ACSS2: variants seen among roughly 807,000 people sequenced by gnomAD.
The protein encoded by ACSS2 is acyl-CoA synthetase short chain family member 2.
In ACSS2, 58 loss-of-function variants were observed where a neutral mutation model predicts 90.6. The ratio of observed to expected loss-of-function variants is 0.64; its 90% CI spans 0.52 to 0.80. The LOEUF (loss-of-function observed/expected upper bound fraction) is 0.80. Among genes scored for constraint, ACSS2 ranks in the 30% least tolerant of loss-of-function variants. ACSS2 has a pLI of 0.00. For synonymous variants in ACSS2, 300 were observed against 330.9 expected (o/e 0.91, Z 1.01); for missense variants, 759 against 912.0 (o/e 0.83, Z 2.16).
At chr20:34,899,288 G>A (rs935242963) in intron 2 of ACSS2, among the ~76,000 whole-genome samples, 1 of 152,232 alleles carries the variant, frequency 6.6e-6, no homozygotes, top group Non-Finnish European at 1.5e-5. Flanking sequence ...CTCAAGTGCC[G>A]CCAAAGTGGG....
intron 8 of ACSS2, 53 bp downstream of exon 8, chr20:34,919,625 T>G (rs1007366732): frequency 1.4e-4 from 207 of 1,516,158 alleles, no homozygotes; most frequent in Non-Finnish European, 1.8e-4. Context: ...GTGTGTATTA[T>G]GTAGGGGTAA....
intron 7 of ACSS2, among the ~76,000 whole-genome samples, chr20:34,915,776 T>C (rs1490599018): frequency 1.3e-5 from 2 of 152,174 alleles, no homozygotes; most frequent in Non-Finnish European, 2.9e-5. Context: ...TATGATTAAG[T>C]GCTAAACTGA....
Position 34,913,460 on chromosome 20 carries a change from G to C in ACSS2, c.534G>C (p.Leu178=), listed in dbSNP as rs2081007998. The C allele has an allele frequency of 6.2e-7, 1 of 1,613,900 alleles. No individual in the cohort carries two copies. The highest frequency in any genetic ancestry group is 1.3e-5 in the African/African-American group (1 of 74,880). The change falls in exon 4 of 18, where the codon CTG becomes CTC. Residue 178 remains leucine (L), a synonymous_variant. Coordinates refer to ENST00000360596, the MANE Select transcript of ACSS2 (RefSeq NM_018677.4). The stretch of plus-strand genomic sequence containing the variant: ...TCCCAGAGCTTGTGGTGGCCATGCT[G>C]GCATGTGCCCGCATTGGGGCTTTGC... The part of the protein sequence containing the change: ...PMIPELVVAM[L]ACARIGALHS...
Position 34,927,332 on chromosome 20 carries a change from T to G in ACSS2, c.*118T>G. The G allele has an allele frequency of 5.1e-5, 69 of 1,347,180 alleles. No homozygotes were observed. The highest frequency in any genetic ancestry group is 2.7e-4 in the Middle Eastern group (1 of 3,736). 83.5% of individuals were successfully genotyped at this position (1,347,180 alleles called of 1,614,324 possible). A position where few individuals can be genotyped will look rare whatever the true frequency, so the allele number is the denominator to read the frequency against. On this transcript the variant is annotated 3_prime_UTR_variant, in exon 18 of 18. Transcript: ENST00000360596. The surrounding 1 kb of genome is among the most constrained non-coding windows in gnomAD (Gnocchi z 4.2). ...CACACTACCCTCCCTTGACCAGCTG[T>G]CTGGGACCGGAAACCAGCTTTGTCT...
chr20:34,916,052 G>A (rs569119767), intron 7 of ACSS2, among the ~76,000 whole-genome samples: 13 of 152,040 alleles, frequency 8.6e-5, no homozygotes, highest in Non-Finnish European at 1.5e-4. Flanking sequence ...ATCTTCACAG[G>A]GTGTCTTACT....
intron 2 of ACSS2, among the ~76,000 whole-genome samples, chr20:34,886,027 T>G (rs981321917): frequency 5.9e-5 from 9 of 151,528 alleles, no homozygotes; most frequent in Admixed American, 3.3e-4. Flanking sequence ...AAATTGCATT[T>G]TATTATAAGA....
At chr20:34,893,991 T>A (rs752344908) in intron 2 of ACSS2, among the ~76,000 whole-genome samples, 2 of 152,176 alleles carry the variant, frequency 1.3e-5, no homozygotes, top group Non-Finnish European at 2.9e-5. Flanking sequence ...CTCTAGAGCA[T>A]ATGAACACCT....
intron 1 of ACSS2, 81 bp from the exon 2 acceptor site, chr20:34,882,713 C>A: frequency 7.4e-7 from 1 of 1,360,208 alleles, no homozygotes; most frequent in Non-Finnish European, 1.0e-6. Flanking sequence ...TAATTTGGTC[C>A]TGTGTATAGA....
At chr20:34,876,126 C>T (rs959643838), upstream of ACSS2, among the ~76,000 whole-genome samples, 1 of 152,130 alleles carries the variant, frequency 6.6e-6, no homozygotes, top group Non-Finnish European at 1.5e-5. Context: ...TTACTCAACT[C>T]CTCTCCTTAG....
rs377339984 is a variant in ACSS2 at position 34,892,971 on chromosome 20, G to A, written c.374+9982G>A. Among the ~76,000 whole-genome samples the A allele has an allele frequency of 5.2e-4, 79 of 152,206 alleles. 1 individual carries two copies. The South Asian group carries it at 0.015, about 29-fold the overall frequency. On this transcript the variant is annotated intron_variant, in intron 2 of 17. Transcript: ENST00000360596. ...ATGTGGCTTCCTAAACAACCATGTC[G>A]GTCTCCCCTGGATATACTTTAGTTG...
chr20:34,909,791 G>T (rs577947924), intron 2 of ACSS2, among the ~76,000 whole-genome samples: 3 of 150,264 alleles, frequency 2.0e-5, no homozygotes, highest in African/African-American at 4.9e-5. Context: ...ATCGCCGCTC[G>T]CTGTAGCCTT....
At chr20:34,888,154 A>G (rs1306239324) in intron 2 of ACSS2, among the ~76,000 whole-genome samples, 2 of 152,140 alleles carry the variant, frequency 1.3e-5, no homozygotes, top group Non-Finnish European at 2.9e-5. Context: ...CAGAAAGGAA[A>G]AAGCCTTATA....
rs115383383 is a variant in ACSS2, at chr20:34,906,672, T to G, written c.375-6424T>G. On this transcript the variant is annotated intron_variant, in intron 2 of 17. Coordinates refer to ENST00000360596, the MANE Select transcript of ACSS2 (RefSeq NM_018677.4). ...ACTTGAGGTGCTAGGGATGTAGCAG[T>G]GAAGAAAACAAATAAGATCTCTGCT... Among the ~76,000 whole-genome samples, 1,357 of 152,056 alleles carry G rather than the reference T, an allele frequency of 8.9e-3. 27 individuals carry two copies. Among genetic ancestry groups the G allele is most frequent in the African/African-American group, 0.031 (1,290 of 41,430 alleles).
intron 15 of ACSS2, 103 bp from the exon 16 acceptor site, chr20:34,926,002 T>A: frequency 8.0e-7 from 1 of 1,256,938 alleles, no homozygotes; most frequent in Non-Finnish European, 1.1e-6. Flanking sequence ...ATGAAGGGTC[T>A]TCTCCATTTG....
intron 2 of ACSS2, among the ~76,000 whole-genome samples, chr20:34,901,801 G>A (rs1371450304): frequency 7.2e-5 from 11 of 152,164 alleles, no homozygotes; most frequent in Non-Finnish European, 1.2e-4. Context: ...AGGTGTCAGG[G>A]TTACCCTGGC....
Position 34,920,545 on chromosome 20 carries a change from G to T in ACSS2, c.979G>T (p.Val327Phe). 3.1e-6 allele frequency: 5 copies of T among 1,613,856 alleles called. No homozygotes were observed. The highest frequency in any genetic ancestry group is 3.4e-6 in the Non-Finnish European group (4 of 1,179,956). ...TTCCCCATTCTTCCCACAGGGTGTGGTTCACACAGTTGGGGGCTACATGCT... is the reference window on the plus strand; with the variant it reads ...TTCCCCATTCTTCCCACAGGGTGTGTTTCACACAGTTGGGGGCTACATGCT... ...SGSTGKPKGV[V>F]HTVGGYMLYV... Residue 327 changes from valine to phenylalanine, a missense_variant, in exon 9 of 18, where the codon GTT becomes TTT. Transcript: ENST00000360596.
At chr20:34,898,824 C>T (rs1293327214) in intron 2 of ACSS2, among the ~76,000 whole-genome samples, 2 of 150,586 alleles carry the variant, frequency 1.3e-5, no homozygotes, top group African/African-American at 4.9e-5. Context: ...CTTGGGTGGC[C>T]GATGGGACTG....
rs141522623 is a variant in ACSS2 at position 34,926,930 on chromosome 20, G to T, written c.1957G>T (p.Gly653Cys). 1.9e-6 allele frequency: 3 copies of T among 1,614,186 alleles called. No individual in the cohort carries two copies. The East Asian group carries it at 6.7e-5, about 36-fold the overall frequency. The change falls in exon 17 of 18, where the codon GGC (glycine) becomes TGC (cysteine). Residue 653 changes from glycine to cysteine, a missense_variant. By Grantham distance (159) the Gly-to-Cys change is radical (BLOSUM62 -3). Coordinates refer to ENST00000360596, the MANE Select transcript of ACSS2 (RefSeq NM_018677.4). ...ATPDYIQNAP[G>C]LPKTRSGKIM... The stretch of plus-strand genomic sequence containing the variant: ...ACCAGACTACATCCAGAATGCACCT[G>T]GCTTGCCTAAAACCCGCTCAGGTAT...
intron 16 of ACSS2, 69 bp from the exon 17 acceptor site, chr20:34,926,808 C>G: frequency 1.3e-6 from 2 of 1,536,632 alleles, no homozygotes; most frequent in South Asian, 2.3e-5. Context: ...ACAAAGCCAT[C>G]TCTACTTTGA....
Sources: allele counts gnomAD v4.1 joint callset (sites outside exome capture counted in the v4.1 genomes callset), GRCh38; gene constraint gnomAD v4.1.1; non-coding constraint Gnocchi (gnomAD v3.1); transcripts MANE v1.5; gene names NCBI Gene and HGNC (gene_info 2026-07-23, HGNC 2026-07-21).